C5orf15: variants seen among roughly 807,000 people sequenced by gnomAD.
C5orf15 encodes chromosome 5 open reading frame 15, also known as keratinocyte-associated transmembrane protein 2.
C5orf15 carries 10 observed loss-of-function variants against 17.8 expected under a neutral mutation model. The ratio of observed to expected loss-of-function variants is 0.56; its 90% CI spans 0.35 to 0.95. The LOEUF (loss-of-function observed/expected upper bound fraction) is 0.95. C5orf15 is among the 40% of genes least tolerant of loss of function. The pLI, the probability that C5orf15 is intolerant of heterozygous loss-of-function variation, is 0.02. For missense variants in C5orf15, 319 were observed against 331.7 expected (o/e 0.96, Z 0.30); for synonymous variants, 124 against 131.0 (o/e 0.95, Z 0.36).
intron 1 of C5orf15, among the ~76,000 whole-genome samples, chr5:133,961,175 T>C (rs1580698698): frequency 9.5e-6 from 1 of 105,166 alleles, no homozygotes; most frequent in South Asian, 3.0e-4. Flanking sequence ...AAAAAAGAAA[T>C]AGCTGGTGTC....
Position 133,957,006 on chromosome 5 carries a change from C to G in C5orf15, c.667-16G>C. ...GAAGAAAAATCTGGAAAACAGAAGT[C>G]ATTAAATAGGCAAAAGAGAAAACAG... On this transcript the variant is annotated splice_polypyrimidine_tract_variant and intron_variant, in intron 2 of 2. Coordinates refer to ENST00000231512, the MANE Select transcript of C5orf15 (RefSeq NM_020199.3). 2.5e-6 allele frequency: 4 copies of G among 1,596,106 alleles called. No homozygotes were observed. The highest frequency in any genetic ancestry group is 3.4e-6 in the Non-Finnish European group (4 of 1,171,176).
chr5:133,957,045 C>A (rs1752051711), intron 2 of C5orf15, 55 bp from the exon 3 acceptor site: 3 of 1,384,096 alleles, frequency 2.2e-6, no homozygotes, highest in African/African-American at 1.5e-5. Flanking sequence ...ATATGGTAAA[C>A]ATTTTTATAA....
intron 2 of C5orf15, among the ~76,000 whole-genome samples, chr5:133,958,514 T>C (rs956910765): frequency 7.0e-6 from 1 of 142,062 alleles, no homozygotes; most frequent in Non-Finnish European, 1.5e-5. Context: ...GAGGTGGAGG[T>C]TGCAGTGAGC....
rs1752087282 is a variant in C5orf15, at chr5:133,959,539, A to G, written c.621T>C (p.Ala207=). 5 of 1,595,190 alleles carry G rather than the reference A, an allele frequency of 3.1e-6. No homozygotes were observed. Among genetic ancestry groups the G allele is most frequent in the Non-Finnish European group, 4.3e-6 (5 of 1,172,644 alleles). The change falls in exon 2 of 3, where the codon GCT becomes GCC. Residue 207 remains alanine (A), a synonymous_variant. Transcript: ENST00000231512. ...TAATGTAAACAACAGCAATGCAAAA[A>G]GCAAAAATAATAAGATGAAAAAAGA... ...SHFFFHLIIF[A]FCIAVVYITY...
chr5:133,957,017 C>T (rs942263041), intron 2 of C5orf15, 27 bp from the exon 3 acceptor site: 39 of 1,564,930 alleles, frequency 2.5e-5, no homozygotes, highest in Middle Eastern at 1.7e-4. Flanking sequence ...ATTAAATAGG[C>T]AAAAGAGAAA....
Position 133,968,588 on chromosome 5 carries a change from G to A in C5orf15, c.-4C>T, listed in dbSNP as rs776044175. On this transcript the variant is annotated 5_prime_UTR_variant, in exon 1 of 3. Coordinates refer to ENST00000231512, the MANE Select transcript of C5orf15 (RefSeq NM_020199.3). ...TCTTCGGGACGGCAGCGGCCATAAC[G>A]GACTCGGCTGGGAGCCTGCGCTGTT... 6 of 1,607,952 alleles carry A rather than the reference G, an allele frequency of 3.7e-6. No individual in the cohort carries two copies. Among genetic ancestry groups the A allele is most frequent in the Admixed American group, 1.7e-5 (1 of 59,378 alleles).
In C5orf15 at chr5:133,968,435, C is replaced by T. The variant is rs1380375135; in HGVS notation, c.139+11G>A. ...TAGCCTTCCTAAGCCCACACTGCCG[C>T]CCCCCTTTACCACTGGATAGAGCGG... is the stretch of plus-strand genomic sequence containing the variant. On this transcript the variant is annotated intron_variant, in intron 1 of 2. Coordinates refer to ENST00000231512, the MANE Select transcript of C5orf15 (RefSeq NM_020199.3). 2 of 1,602,100 alleles carry T rather than the reference C, an allele frequency of 1.2e-6. No individual in the cohort carries two copies. Among genetic ancestry groups the T allele is most frequent in the Non-Finnish European group, 8.5e-7 (1 of 1,174,948 alleles).
At position 133,959,484 on chromosome 5, in the gene C5orf15, C is replaced by A; in HGVS notation, c.666+10G>T. 1 of 1,387,512 alleles carries A rather than the reference C, an allele frequency of 7.2e-7. No individual in the cohort carries two copies. Among genetic ancestry groups the A allele is most frequent in the Non-Finnish European group, 9.4e-7 (1 of 1,059,160 alleles). The allele number at this position is 1,387,512 out of a possible 1,614,324, so 86.0% of individuals were successfully genotyped here. A position where few individuals can be genotyped will look rare whatever the true frequency, so the allele number is the denominator to read the frequency against. On this transcript the variant is annotated intron_variant, in intron 2 of 2. Transcript: ENST00000231512. Reference sequence around the variant, plus strand: ...GAAATAATAAAGGGCTAAAAAAATCCCAAACCTACCTTCCTTTTGTTGTGA... The same window carrying A: ...GAAATAATAAAGGGCTAAAAAAATCACAAACCTACCTTCCTTTTGTTGTGA...
intron 1 of C5orf15, among the ~76,000 whole-genome samples, chr5:133,967,931 G>C (rs910170471): frequency 2.6e-5 from 4 of 151,858 alleles, no homozygotes; most frequent in Admixed American, 6.6e-5. Flanking sequence ...CTTTACCACT[G>C]ACCTCTCCCA....
chr5:133,968,412 G>A (rs776475607), intron 1 of C5orf15, 34 bp downstream of exon 1: 2 of 1,594,442 alleles, frequency 1.3e-6, no homozygotes, highest in South Asian at 2.3e-5. Flanking sequence ...AGCCCTCCTA[G>A]CCTTCCTAAG....
At chr5:133,963,711 C>T (rs1305888631) in intron 1 of C5orf15, among the ~76,000 whole-genome samples, 3 of 152,002 alleles carry the variant, frequency 2.0e-5, no homozygotes, top group Non-Finnish European at 4.4e-5. Context: ...AAAACAGAGA[C>T]TGGCAGACTC....
At chr5:133,964,426 A>G (rs1752166443) in intron 1 of C5orf15, among the ~76,000 whole-genome samples, 1 of 152,082 alleles carries the variant, frequency 6.6e-6, no homozygotes, top group Admixed American at 6.6e-5. Context: ...GTAGGAGGGA[A>G]GTGGGGTGGC....
At chr5:133,961,806 G>T (rs1348107854) in intron 1 of C5orf15, among the ~76,000 whole-genome samples, 2 of 147,572 alleles carry the variant, frequency 1.4e-5, no homozygotes, top group African/African-American at 5.0e-5. Context: ...ATCTTGCCAT[G>T]TTGCCCAGGC....
At chr5:133,967,678 T>C (rs914070518) in intron 1 of C5orf15, among the ~76,000 whole-genome samples, 2 of 152,220 alleles carry the variant, frequency 1.3e-5, no homozygotes, top group African/African-American at 4.8e-5. Flanking sequence ...AGGGTTATCC[T>C]GGTTAACTCG....
intron 2 of C5orf15, among the ~76,000 whole-genome samples, chr5:133,957,314 G>T (rs1186452771): frequency 6.7e-6 from 1 of 149,900 alleles, no homozygotes; most frequent in Non-Finnish European, 1.5e-5. Context: ...AGTAAGCCAT[G>T]ACAGCACCAC....
intron 2 of C5orf15, among the ~76,000 whole-genome samples, chr5:133,957,942 A>G (rs1042881179): frequency 6.6e-6 from 1 of 152,256 alleles, no homozygotes; most frequent in Non-Finnish European, 1.5e-5. Context: ...TTGGGACTGT[A>G]GAGTGCCAAC....
intron 1 of C5orf15, among the ~76,000 whole-genome samples, chr5:133,968,093 A>G (rs1237097204): frequency 6.6e-6 from 1 of 151,772 alleles, no homozygotes; most frequent in Non-Finnish European, 1.5e-5. Context: ...TTCCGATCCA[A>G]GAAATTTTGG....
At chr5:133,958,901 TAA>T (rs953224614) in intron 2 of C5orf15, among the ~76,000 whole-genome samples, 1 of 150,012 alleles carries the variant, frequency 6.7e-6, no homozygotes, top group Admixed American at 6.7e-5. Context: ...CATAAACTCT[TAA>T]AAAAAAAATC....
chr5:133,960,967 C>G (rs984873095), intron 1 of C5orf15, among the ~76,000 whole-genome samples: 2 of 151,430 alleles, frequency 1.3e-5, no homozygotes, highest in African/African-American at 4.8e-5. Flanking sequence ...TCATGTAGAT[C>G]TAAACATATT....
Sources: gnomAD v4.1 joint callset for allele counts (sites outside exome capture counted in the v4.1 genomes callset) on GRCh38, gnomAD v4.1.1 for gene constraint, MANE v1.5 for transcripts, NCBI Gene and HGNC (gene_info 2026-07-23, HGNC 2026-07-21) for gene names.